GMDS: variants seen among roughly 807,000 people sequenced by gnomAD.
GMDS encodes the protein GDP-mannose 4,6 dehydratase.
In GMDS, 20 loss-of-function variants were observed where a neutral mutation model predicts 49.9. The observed-to-expected ratio is 0.40, with a 90% CI of 0.28 to 0.58. GMDS has a LOEUF of 0.58. GMDS is among the 20% of genes least tolerant of loss of function. The probability of loss-of-function intolerance (pLI) is 0.42; values close to 1 mark genes in which losing one functional copy is unlikely to be tolerated. For synonymous variants in GMDS, 177 were observed against 178.6 expected, an observed-to-expected ratio of 0.99 and a Z score of 0.07; for missense variants, 362 against 481.4, an observed-to-expected ratio of 0.75 and a Z score of 2.32.
intron 7 of GMDS, among the ~76,000 whole-genome samples, chr6:1,900,037 C>T (rs547781211): frequency 9.8e-5 from 15 of 152,378 alleles, no homozygotes; most frequent in Admixed American, 2.6e-4. Flanking sequence ...AAAGTCCACA[C>T]ATCTGCCTAC....
At chr6:1,932,026 C>G (rs970437674) in intron 6 of GMDS, among the ~76,000 whole-genome samples, 20 of 152,100 alleles carry the variant, frequency 1.3e-4, no homozygotes, top group East Asian at 1.9e-4. Context: ...GGGGGGAAAG[C>G]CTTTGGGGTT....
chr6:1,661,006 A>G (rs1341535434), intron 9 of GMDS, among the ~76,000 whole-genome samples: 1 of 151,838 alleles, frequency 6.6e-6, no homozygotes. Flanking sequence ...TTTTCAATCC[A>G]TATCTGAGCA....
rs148182442 is a variant in GMDS, at chr6:1,759,612, A to G, written c.772-17026T>C. On this transcript the variant is annotated intron_variant, in intron 7 of 10. Transcript: ENST00000380815. ...CCTGCTAGTTGCTGGGCACTGTGCT[A>G]GAGTCTGGCGATAGACCACGTAGGA... Among the ~76,000 whole-genome samples, 16 of 152,340 alleles carry G rather than the reference A, an allele frequency of 1.1e-4. No individual in the cohort carries two copies. In the East Asian group the frequency reaches 3.1e-3, roughly 29 times the overall value.
intron 7 of GMDS, among the ~76,000 whole-genome samples, chr6:1,765,791 C>A (rs1768327121): frequency 6.6e-6 from 1 of 152,146 alleles, no homozygotes; most frequent in African/African-American, 2.4e-5. Flanking sequence ...CCGAGACACT[C>A]CCCGATGGAG....
chr6:1,972,476 C>T (rs1764678119), intron 4 of GMDS, among the ~76,000 whole-genome samples: 6 of 152,062 alleles, frequency 3.9e-5, no homozygotes, highest in Admixed American at 2.6e-4. Context: ...AGATTCTTTA[C>T]AGATAAACAG....
intron 1 of GMDS, among the ~76,000 whole-genome samples, chr6:2,184,716 T>C (rs1172691264): frequency 6.6e-6 from 1 of 152,234 alleles, no homozygotes; most frequent in African/African-American, 2.4e-5. Context: ...CTTTTAAAAA[T>C]GTAACTTTAA....
chr6:2,068,496 T>G lies in GMDS; in HGVS notation c.345+47275A>C, dbSNP rs547841575. On this transcript the variant is annotated intron_variant, in intron 4 of 10. Coordinates refer to ENST00000380815, the MANE Select transcript of GMDS (RefSeq NM_001500.4). ...AAATTGGCCCTGTTTGCAGATGACATGATTGTATACCTAGAAAACCCCATT... is the reference window on the plus strand; with the variant it reads ...AAATTGGCCCTGTTTGCAGATGACAGGATTGTATACCTAGAAAACCCCATT... 2.0e-5 allele frequency among the ~76,000 whole-genome samples: 3 copies of G among 152,330 alleles called. No homozygotes were observed. In the South Asian group the frequency reaches 6.2e-4, roughly 32 times the overall value.
chr6:2,197,309 C>T (rs1779315734), intron 1 of GMDS, among the ~76,000 whole-genome samples: 1 of 152,118 alleles, frequency 6.6e-6, no homozygotes, highest in African/African-American at 2.4e-5. Context: ...AGGAGGCTCT[C>T]AAAGGATGCC....
At position 1,814,112 on chromosome 6, in the gene GMDS, G is replaced by A. The variant is rs114669547; in HGVS notation, c.772-71526C>T. On this transcript the variant is annotated intron_variant, in intron 7 of 10. Transcript: ENST00000380815. Reference sequence around the variant, plus strand: ...CATGTTGATAAGAAAAACTAAGATTGACCACATAATTTTAAACCAAATCAG... The same window carrying A: ...CATGTTGATAAGAAAAACTAAGATTAACCACATAATTTTAAACCAAATCAG... 6.8e-3 allele frequency among the ~76,000 whole-genome samples: 1,035 copies of A among 152,238 alleles called. 8 individuals carry two copies. Among genetic ancestry groups the A allele is most frequent in the Non-Finnish European group, 0.012 (803 of 67,998 alleles).
chr6:2,122,940 T>C (rs903922920), intron 2 of GMDS, among the ~76,000 whole-genome samples: 1 of 152,240 alleles, frequency 6.6e-6, no homozygotes, highest in African/African-American at 2.4e-5. Context: ...GTGGGCCTTC[T>C]ATTGTCTTTT....
intron 4 of GMDS, among the ~76,000 whole-genome samples, chr6:2,061,445 G>A (rs1771154632): frequency 6.6e-6 from 1 of 152,162 alleles, no homozygotes; most frequent in Admixed American, 6.5e-5. Flanking sequence ...GGCCAGGCAT[G>A]GTGGCTCATG....
intron 1 of GMDS, among the ~76,000 whole-genome samples, chr6:2,141,125 C>T (rs1230930473): frequency 1.3e-5 from 2 of 152,104 alleles, no homozygotes; most frequent in Non-Finnish European, 2.9e-5. Flanking sequence ...TTGTTAATAA[C>T]AAAAAATGAG....
At chr6:1,760,788 C>A (rs1561787581) in intron 7 of GMDS, among the ~76,000 whole-genome samples, 1 of 152,166 alleles carries the variant, frequency 6.6e-6, no homozygotes, top group Non-Finnish European at 1.5e-5. Flanking sequence ...TTTAATCATT[C>A]TTCTTTTAAT....
At chr6:1,896,197 G>A (rs1368204224) in intron 7 of GMDS, among the ~76,000 whole-genome samples, 1 of 152,038 alleles carries the variant, frequency 6.6e-6, no homozygotes, top group Non-Finnish European at 1.5e-5. Context: ...CCTGTGTATC[G>A]GAGGATGTTC....
At chr6:1,939,255 C>T (rs1469407338) in intron 6 of GMDS, among the ~76,000 whole-genome samples, 1 of 151,812 alleles carries the variant, frequency 6.6e-6, no homozygotes, top group Non-Finnish European at 1.5e-5. Flanking sequence ...TTTCCTTGTG[C>T]ATTTAGTGAG....
At chr6:2,059,475 G>A (rs9378674) in intron 4 of GMDS, among the ~76,000 whole-genome samples, 53 of 150,704 alleles carry the variant, frequency 3.5e-4, no homozygotes, top group African/African-American at 1.1e-3. Context: ...TTGGGAGGCC[G>A]AGGCGGGTGG....
At chr6:2,042,988 T>C (rs766870831) in intron 4 of GMDS, among the ~76,000 whole-genome samples, 1 of 152,166 alleles carries the variant, frequency 6.6e-6, no homozygotes, top group Non-Finnish European at 1.5e-5. Flanking sequence ...TTGGTTCTAA[T>C]AAAGTACTAA....
intron 9 of GMDS, among the ~76,000 whole-genome samples, chr6:1,672,707 C>G (rs1034726369): frequency 1.3e-5 from 2 of 152,184 alleles, no homozygotes; most frequent in Non-Finnish European, 1.5e-5. Flanking sequence ...AAAGTGAAAA[C>G]CCTCCTGTTC....
At chr6:2,044,262 C>T (rs1233039864) in intron 4 of GMDS, among the ~76,000 whole-genome samples, 1 of 152,188 alleles carries the variant, frequency 6.6e-6, no homozygotes, top group East Asian at 1.9e-4. Context: ...CACATGCACG[C>T]ATATGTTCAC....
Sources: allele counts gnomAD v4.1 joint callset (sites outside exome capture counted in the v4.1 genomes callset), GRCh38; gene constraint gnomAD v4.1.1; transcripts MANE v1.5; gene names NCBI Gene and HGNC (gene_info 2026-07-23, HGNC 2026-07-21).